The following SGCD variants were observed in gnomAD, a reference collection of about 807,000 sequenced individuals.
SGCD encodes sarcoglycan delta.
SGCD carries 18 observed loss-of-function variants against 36.6 expected under a neutral mutation model. That is an observed-to-expected ratio of 0.49 (90% CI 0.34 to 0.73). The LOEUF (loss-of-function observed/expected upper bound fraction) is 0.73. Among genes scored for constraint, SGCD ranks in the 30% least tolerant of loss-of-function variants. The probability of loss-of-function intolerance (pLI) is 0.01; values close to 1 mark genes in which losing one functional copy is unlikely to be tolerated. For missense variants in SGCD, 387 were observed against 346.7 expected, an observed-to-expected ratio of 1.12 and a Z score of -0.92; for synonymous variants, 133 against 130.6, an observed-to-expected ratio of 1.02 and a Z score of -0.12.
intron 3 of SGCD, among the ~76,000 whole-genome samples, chr5:156,180,758 G>T (rs1763587977): frequency 6.6e-6 from 1 of 152,152 alleles, no homozygotes; most frequent in Non-Finnish European, 1.5e-5. Flanking sequence ...TCTCTTCATA[G>T]GGAAGAGATG....
chr5:156,023,706 G>C (rs1365067397), intron 1 of SGCD, among the ~76,000 whole-genome samples: 1 of 152,210 alleles, frequency 6.6e-6, no homozygotes, highest in Non-Finnish European at 1.5e-5. Flanking sequence ...AATTATCTCA[G>C]TAATGCTAGC....
chr5:156,645,395 A>C (rs982823732), intron 6 of SGCD, among the ~76,000 whole-genome samples: 1 of 152,180 alleles, frequency 6.6e-6, no homozygotes, highest in Non-Finnish European at 1.5e-5. Flanking sequence ...TGAAAATCAG[A>C]AACCTGATAG....
intron 4 of SGCD, among the ~76,000 whole-genome samples, chr5:156,562,928 T>A (rs1317922383): frequency 6.6e-6 from 1 of 152,042 alleles, no homozygotes; most frequent in Non-Finnish European, 1.5e-5. Flanking sequence ...AATATTTACC[T>A]AATTAAATTA....
intron 1 of SGCD, among the ~76,000 whole-genome samples, chr5:155,883,793 CAAAAAAAA>C (rs34250962): frequency 1.2e-5 from 1 of 83,488 alleles, no homozygotes; most frequent in South Asian, 4.6e-4. Context: ...CTTCAATTTG[CAAAAAAAA>C]AAAAAAAAAA....
At chr5:155,892,061 T>A (rs1397497108) in intron 1 of SGCD, among the ~76,000 whole-genome samples, 10 of 152,182 alleles carry the variant, frequency 6.6e-5, no homozygotes. Context: ...GATTTTGAAT[T>A]GTATTTTGAG....
intron 1 of SGCD, among the ~76,000 whole-genome samples, chr5:156,058,978 A>T (rs1011111803): frequency 2.7e-5 from 4 of 146,152 alleles, no homozygotes; most frequent in African/African-American, 9.8e-5. Context: ...TTAAAAATAT[A>T]TATTGCTTAT....
intron 3 of SGCD, among the ~76,000 whole-genome samples, chr5:156,352,473 G>A (rs1304854253): frequency 6.6e-6 from 1 of 152,186 alleles, no homozygotes; most frequent in Non-Finnish European, 1.5e-5. Context: ...TGTGTTAACT[G>A]TAGATTGCCT....
chr5:156,695,511 GGATAGATA>G (rs56315334), intron 7 of SGCD, among the ~76,000 whole-genome samples: 20,671 of 139,512 alleles, frequency 0.15, 1,584 homozygotes, highest in Non-Finnish European at 0.17. Context: ...ATAGATAGAT[GGATAGATA>G]GATAGATAGA....
At chr5:156,753,464 T>C (rs1226241200) in intron 7 of SGCD, among the ~76,000 whole-genome samples, 1 of 152,214 alleles carries the variant, frequency 6.6e-6, no homozygotes, top group Non-Finnish European at 1.5e-5. Context: ...TGGGCAGAGG[T>C]TGACGGACAT....
intron 1 of SGCD, among the ~76,000 whole-genome samples, chr5:155,881,316 A>AAATAAATAAATT (rs1164415950): frequency 1.3e-5 from 2 of 151,858 alleles, no homozygotes; most frequent in African/African-American, 4.8e-5. Context: ...ATAAATAAAT[A>AAATAAATAAATT]AATAAATAAA....
chr5:156,533,415 T>C (rs1757968607), intron 4 of SGCD, among the ~76,000 whole-genome samples: 1 of 152,240 alleles, frequency 6.6e-6, no homozygotes, highest in Non-Finnish European at 1.5e-5. Context: ...AATGCCATGA[T>C]ATTCTAAGGA....
intron 7 of SGCD, among the ~76,000 whole-genome samples, chr5:156,652,831 T>G (rs1763514485): frequency 6.6e-6 from 1 of 152,166 alleles, no homozygotes; most frequent in Admixed American, 6.6e-5. Flanking sequence ...TTGAATGCTT[T>G]TTCTATATCT....
chr5:155,990,911 C>A (rs890796356), intron 1 of SGCD, among the ~76,000 whole-genome samples: 1 of 152,190 alleles, frequency 6.6e-6, no homozygotes, highest in Non-Finnish European at 1.5e-5. Flanking sequence ...CACCATCATA[C>A]TAAATCTGTT....
At chr5:156,365,419 G>A (rs765412427) in intron 3 of SGCD, among the ~76,000 whole-genome samples, 19 of 152,160 alleles carry the variant, frequency 1.2e-4, no homozygotes, top group Non-Finnish European at 2.8e-4. Context: ...TCAGAAACAG[G>A]TCATTTCCTC....
intron 1 of SGCD, among the ~76,000 whole-genome samples, chr5:156,058,000 G>A (rs930857052): frequency 6.9e-6 from 1 of 145,804 alleles, no homozygotes; most frequent in Non-Finnish European, 1.5e-5. Flanking sequence ...ACATCTTCAG[G>A]CAGTAAATGA....
At chr5:155,781,278 C>A in the SGCD span, among the ~76,000 whole-genome samples, 1 of 152,084 alleles carries the variant, frequency 6.6e-6, no homozygotes, top group African/African-American at 2.4e-5. Flanking sequence ...ATATGGGTCT[C>A]CCGACTTCAG....
intron 7 of SGCD, among the ~76,000 whole-genome samples, chr5:156,733,485 A>G (rs1170485288): frequency 2.6e-5 from 4 of 152,024 alleles, no homozygotes; most frequent in Non-Finnish European, 5.9e-5. Context: ...AGAAGAATGT[A>G]TATTCTGTTG....
At chr5:156,582,639 C>G (rs935648079) in intron 4 of SGCD, among the ~76,000 whole-genome samples, 1 of 152,124 alleles carries the variant, frequency 6.6e-6, no homozygotes, top group African/African-American at 2.4e-5. Context: ...TATTTTTTTT[C>G]TCCTATGCAG....
the SGCD span, among the ~76,000 whole-genome samples, chr5:155,858,950 T>C: frequency 1.3e-5 from 2 of 151,496 alleles, no homozygotes; most frequent in African/African-American, 4.8e-5. Context: ...AGGTTTTTTT[T>C]TTTCTCTCTC....
Sources: gnomAD v4.1 joint callset for allele counts (sites outside exome capture counted in the v4.1 genomes callset) on GRCh38, gnomAD v4.1.1 for gene constraint, MANE v1.5 for transcripts, NCBI Gene and HGNC (gene_info 2026-07-23, HGNC 2026-07-21) for gene names.